Variants in GLDC observed in about 807,000 individuals in gnomAD.
GLDC encodes glycine dehydrogenase (decarboxylating), mitochondrial.
GLDC carries 104 observed loss-of-function variants against 121.3 expected under a neutral mutation model. The observed-to-expected ratio is 0.86, with a 90% CI of 0.73 to 1.01. GLDC has a LOEUF of 1.01. GLDC is among the 50% of genes least tolerant of loss of function. The probability of loss-of-function intolerance (pLI) is 0.00; values close to 1 mark genes in which losing one functional copy is unlikely to be tolerated. For missense variants in GLDC, 1,429 were observed against 1,306.6 expected (o/e 1.09, Z -1.44); for synonymous variants, 546 against 480.6 (o/e 1.14, Z -1.78).
rs766928717 is a variant in GLDC, at chr9:6,536,093, G to A, written c.2809C>T (p.Arg937Cys). The change falls in exon 23 of 25, where the codon CGC (arginine) becomes TGC (cysteine). Residue 937 changes from arginine to cysteine, a missense_variant. Physicochemically the swap from Arg to Cys is radical, Grantham distance 180. Coordinates refer to ENST00000321612, the MANE Select transcript of GLDC (RefSeq NM_000170.3). ...RQEIADIEEGRIDPRVNPLKM... is the reference protein window; with the variant it reads ...RQEIADIEEGCIDPRVNPLKM... The stretch of plus-strand genomic sequence containing the variant: ...AGCGGATTGACCCTGGGGTCGATGC[G>A]GCCCTCCTCAATGTCAGCAATTTCC... 1.9e-5 allele frequency: 30 copies of A among 1,613,790 alleles called. 1 individual carries two copies. The Middle Eastern group carries it at 6.7e-4, about 36-fold the overall frequency.
intron 3 of GLDC, among the ~76,000 whole-genome samples, chr9:6,618,275 G>A (rs1252004535): frequency 6.6e-6 from 1 of 152,106 alleles, no homozygotes; most frequent in Admixed American, 6.6e-5. Flanking sequence ...AAGAGCCTAG[G>A]AGTCCCCACC....
At chr9:6,558,146 G>A (rs933276832) in intron 17 of GLDC, 8 of 303,536 alleles carry the variant, frequency 2.6e-5, no homozygotes, top group African/African-American at 1.7e-4. Flanking sequence ...GCTGCATGAT[G>A]CCAGGAATTC....
chr9:6,644,597 C>A lies in GLDC; in HGVS notation c.334+17G>T, dbSNP rs1174681077. 1.9e-6 allele frequency: 3 copies of A among 1,562,178 alleles called. No homozygotes were observed. Among genetic ancestry groups the A allele is most frequent in the Admixed American group, 1.7e-5 (1 of 59,946 alleles). On this transcript the variant is annotated intron_variant, in intron 2 of 24. Transcript: ENST00000321612. ...CCAGAATAATCTAAGTCCAAGGGAG[C>A]CCTCCCGGCCACTTACAAACAGGGT...
chr9:6,620,897 G>T (rs1819077901), intron 2 of GLDC, among the ~76,000 whole-genome samples: 1 of 152,218 alleles, frequency 6.6e-6, no homozygotes, highest in African/African-American at 2.4e-5. Context: ...GCTGTGAACA[G>T]TGGCTCACAC....
At chr9:6,608,932 C>T (rs945194093) in intron 4 of GLDC, among the ~76,000 whole-genome samples, 5 of 152,060 alleles carry the variant, frequency 3.3e-5, no homozygotes, top group East Asian at 1.9e-4. Flanking sequence ...CCACCCCCAA[C>T]GGCTGCTCAG....
At chr9:6,588,577 G>A (rs768504558) in intron 13 of GLDC, 41 bp downstream of exon 13, 8 of 1,501,914 alleles carry the variant, frequency 5.3e-6, no homozygotes, top group Non-Finnish European at 6.5e-6. Flanking sequence ...ACGTGGGATT[G>A]GGGTAGCTTG....
chr9:6,637,141 C>A (rs941659385), intron 2 of GLDC, among the ~76,000 whole-genome samples: 2 of 150,562 alleles, frequency 1.3e-5, no homozygotes, highest in Non-Finnish European at 3.0e-5. Context: ...AATGCCAGCA[C>A]TTTGGAAAAT....
chr9:6,599,191 A>T (rs1818550177), intron 8 of GLDC, among the ~76,000 whole-genome samples: 1 of 151,974 alleles, frequency 6.6e-6, no homozygotes, highest in African/African-American at 2.4e-5. Context: ...TCTCAAAAAA[A>T]AAAAAAAGAA....
rs1250763964 is a variant in GLDC at position 6,638,079 on chromosome 9, T to G, written c.334+6535A>C. Reference sequence around the variant, plus strand: ...TCCCCCAAATAATTGATAGCATAATTATTTAAGATTCCATCAGGGATGATC... The same window carrying G: ...TCCCCCAAATAATTGATAGCATAATGATTTAAGATTCCATCAGGGATGATC... On this transcript the variant is annotated intron_variant, in intron 2 of 24. Coordinates refer to ENST00000321612, the MANE Select transcript of GLDC (RefSeq NM_000170.3). Among the ~76,000 whole-genome samples the G allele has an allele frequency of 2.0e-5, 3 of 152,132 alleles. No homozygotes were observed. The East Asian group carries it at 5.8e-4, about 29-fold the overall frequency.
chr9:6,573,654 G>A (rs1029540577), intron 15 of GLDC, among the ~76,000 whole-genome samples: 1 of 152,096 alleles, frequency 6.6e-6, no homozygotes, highest in Non-Finnish European at 1.5e-5. Flanking sequence ...CATCTTTGAT[G>A]TCAGACTCCC....
chr9:6,543,408 T>C (rs888153869), intron 21 of GLDC, among the ~76,000 whole-genome samples: 1 of 152,124 alleles, frequency 6.6e-6, no homozygotes, highest in Non-Finnish European at 1.5e-5. Flanking sequence ...GCACTCTTGC[T>C]GGCAGCGCAA....
At chr9:6,603,030 C>T (rs1028152484) in intron 7 of GLDC, among the ~76,000 whole-genome samples, 2 of 152,016 alleles carry the variant, frequency 1.3e-5, no homozygotes, top group South Asian at 2.1e-4. Context: ...GAGTTTGAGA[C>T]CAGCCTGGCC....
chr9:6,604,483 C>T (rs896896218), intron 7 of GLDC, 105 bp downstream of exon 7: 2 of 1,045,746 alleles, frequency 1.9e-6, no homozygotes, highest in African/African-American at 3.1e-5. Context: ...CCTTAACTGA[C>T]TCAACATGGC....
chr9:6,534,701 A>T lies in GLDC; in HGVS notation c.2919+7T>A. On this transcript the variant is annotated splice_region_variant and intron_variant, in intron 24 of 24. Transcript: ENST00000321612. Reference sequence around the variant, plus strand: ...CCAGCTGGCACATTCAGATTCAGAGAACTTACGAGTGGGAATGCTGCCACC... The same window carrying T: ...CCAGCTGGCACATTCAGATTCAGAGTACTTACGAGTGGGAATGCTGCCACC... The T allele has an allele frequency of 6.6e-7, 1 of 1,513,040 alleles. No homozygotes were observed. The highest frequency in any genetic ancestry group is 1.1e-5 in the South Asian group (1 of 88,828). The allele number at this position is 1,513,040 out of a possible 1,614,324, so 93.7% of individuals were successfully genotyped here.
intron 2 of GLDC, among the ~76,000 whole-genome samples, chr9:6,625,384 C>T (rs1819214270): frequency 6.6e-6 from 1 of 152,134 alleles, no homozygotes; most frequent in African/African-American, 2.4e-5. Flanking sequence ...CTTTATTTGG[C>T]TGCATGCCTG....
intron 3 of GLDC, among the ~76,000 whole-genome samples, chr9:6,615,448 C>A (rs563619506): frequency 2.6e-5 from 4 of 151,292 alleles, no homozygotes; most frequent in African/African-American, 9.7e-5. Context: ...ATTAGCCTGG[C>A]GAGGGGCCTG....
At chr9:6,624,876 T>C (rs1267842423) in intron 2 of GLDC, among the ~76,000 whole-genome samples, 1 of 151,842 alleles carries the variant, frequency 6.6e-6, no homozygotes, top group East Asian at 1.9e-4. Flanking sequence ...TAATCCCAGC[T>C]ACTTGGGAGG....
chr9:6,538,303 A>G (rs1817179878), intron 22 of GLDC, among the ~76,000 whole-genome samples: 1 of 152,202 alleles, frequency 6.6e-6, no homozygotes, highest in Admixed American at 6.5e-5. Context: ...CCAAAAATCT[A>G]TGAGTCATAA....
chr9:6,582,032 T>A (rs997671513), intron 15 of GLDC, among the ~76,000 whole-genome samples: 1 of 133,518 alleles, frequency 7.5e-6, no homozygotes, highest in Admixed American at 7.5e-5. Context: ...CTGGCCAACA[T>A]AGTGAAACCC....
Sources: allele counts gnomAD v4.1 joint callset (sites outside exome capture counted in the v4.1 genomes callset), GRCh38; gene constraint gnomAD v4.1.1; transcripts MANE v1.5; gene names NCBI Gene and HGNC (gene_info 2026-07-23, HGNC 2026-07-21).